GRM5: variants seen among roughly 807,000 people sequenced by gnomAD.
The protein encoded by GRM5 is metabotropic glutamate receptor 5.
Under a neutral mutation model 83.1 loss-of-function variants are expected in GRM5, and 19 were observed. That is an observed-to-expected ratio of 0.23 (90% confidence interval 0.16 to 0.34). GRM5 has a LOEUF of 0.34. Ranked by LOEUF, GRM5 falls within the 10% of genes least tolerant of loss-of-function variation. The pLI, the probability that GRM5 is intolerant of heterozygous loss-of-function variation, is 1.00. For synonymous variants in GRM5, 675 were observed against 633.6 expected, an observed-to-expected ratio of 1.07 and a Z score of -0.98; for missense variants, 1,160 against 1,588.3, an observed-to-expected ratio of 0.73 and a Z score of 4.58.
At chr11:88,647,434 T>A (rs976036019) in intron 4 of GRM5, among the ~76,000 whole-genome samples, 1 of 152,016 alleles carries the variant, frequency 6.6e-6, no homozygotes, top group African/African-American at 2.4e-5. Context: ...CCCAAAAGTA[T>A]GGTAACCATT....
chr11:88,768,565 A>G (rs1157627834), intron 3 of GRM5, among the ~76,000 whole-genome samples: 1 of 151,972 alleles, frequency 6.6e-6, no homozygotes, highest in Admixed American at 6.6e-5. Context: ...CCAGTGAACC[A>G]TACACTTAAC....
chr11:88,675,730 G>A (rs1940309874), intron 3 of GRM5, among the ~76,000 whole-genome samples: 1 of 151,936 alleles, frequency 6.6e-6, no homozygotes, highest in Non-Finnish European at 1.5e-5. Flanking sequence ...TTGGACTTCC[G>A]TCACGTCATC....
intron 4 of GRM5, among the ~76,000 whole-genome samples, chr11:88,638,013 G>A (rs1157241736): frequency 1.3e-5 from 2 of 151,986 alleles, no homozygotes; most frequent in East Asian, 3.9e-4. Flanking sequence ...TAGGGACATG[G>A]ATGAAATTGG....
intron 4 of GRM5, among the ~76,000 whole-genome samples, chr11:88,626,827 T>C (rs952527722): frequency 2.6e-5 from 4 of 152,146 alleles, no homozygotes; most frequent in Admixed American, 6.6e-5. Context: ...ACAAAAAAAA[T>C]TTGATTCATG....
chr11:88,934,318 A>G (rs1040663451), intron 2 of GRM5, among the ~76,000 whole-genome samples: 3 of 151,914 alleles, frequency 2.0e-5, no homozygotes, highest in Non-Finnish European at 4.4e-5. Context: ...AAGGTTAATA[A>G]CTCTTATCTT....
At chr11:88,706,963 A>G (rs1031252852) in intron 3 of GRM5, among the ~76,000 whole-genome samples, 27 of 152,056 alleles carry the variant, frequency 1.8e-4, no homozygotes, top group African/African-American at 6.0e-4. Flanking sequence ...ACATATTGCA[A>G]TGTTTGAGGA....
intron 8 of GRM5, among the ~76,000 whole-genome samples, chr11:88,542,426 G>A (rs907773398): frequency 5.9e-5 from 9 of 152,174 alleles, no homozygotes; most frequent in Admixed American, 5.9e-4. Flanking sequence ...GGAAGAGCAA[G>A]CATACGTAAC....
At chr11:88,603,803 T>C (rs1938067385) in intron 5 of GRM5, among the ~76,000 whole-genome samples, 1 of 152,174 alleles carries the variant, frequency 6.6e-6, no homozygotes, top group African/African-American at 2.4e-5. Context: ...TGGGCACATG[T>C]GGTGTGAATT....
intron 2 of GRM5, among the ~76,000 whole-genome samples, chr11:88,875,591 C>T (rs1036821401): frequency 1.3e-5 from 2 of 151,998 alleles, no homozygotes; most frequent in Non-Finnish European, 2.9e-5. Context: ...ATTTACTTTG[C>T]ATAGATTAAT....
chr11:88,875,533 T>C (rs562879352), intron 2 of GRM5, among the ~76,000 whole-genome samples: 1 of 152,058 alleles, frequency 6.6e-6, no homozygotes, highest in Admixed American at 6.6e-5. Context: ...GAATCACTAA[T>C]GTTATTAATG....
At chr11:88,578,175 C>T (rs1943152176) in intron 7 of GRM5, among the ~76,000 whole-genome samples, 1 of 152,078 alleles carries the variant, frequency 6.6e-6, no homozygotes, top group African/African-American at 2.4e-5. Context: ...AAGTACAAGA[C>T]AGCCCATAAT....
intron 2 of GRM5, among the ~76,000 whole-genome samples, chr11:89,017,051 G>A (rs1317514486): frequency 6.6e-6 from 1 of 152,082 alleles, no homozygotes; most frequent in Non-Finnish European, 1.5e-5. Flanking sequence ...CTACACAGAG[G>A]TAGATATAAG....
intron 2 of GRM5, among the ~76,000 whole-genome samples, chr11:88,982,364 T>C (rs1227357890): frequency 6.6e-6 from 1 of 152,186 alleles, no homozygotes; most frequent in African/African-American, 2.4e-5. Flanking sequence ...TTAGCTTACA[T>C]AAGTCTCAAT....
chr11:88,772,117 C>T (rs2135451033), intron 3 of GRM5, among the ~76,000 whole-genome samples: 1 of 151,796 alleles, frequency 6.6e-6, no homozygotes, highest in Non-Finnish European at 1.5e-5. Context: ...TTTTGTTTTA[C>T]TTACTGTATC....
intron 4 of GRM5, among the ~76,000 whole-genome samples, chr11:88,610,236 C>T (rs1011595757): frequency 2.6e-5 from 4 of 151,902 alleles, no homozygotes; most frequent in Non-Finnish European, 5.9e-5. Context: ...TTAGGATGCA[C>T]ATTTCTAATT....
chr11:88,680,254 G>A (rs1940445481), intron 3 of GRM5, among the ~76,000 whole-genome samples: 1 of 151,728 alleles, frequency 6.6e-6, no homozygotes, highest in African/African-American at 2.4e-5. Flanking sequence ...CCCACAACAG[G>A]CCCTGGTGTG....
chr11:88,659,366 A>G (rs1466725325), intron 3 of GRM5, among the ~76,000 whole-genome samples: 1 of 152,176 alleles, frequency 6.6e-6, no homozygotes, highest in Non-Finnish European at 1.5e-5. Flanking sequence ...TTCTCTCCAT[A>G]TGCAACTGGC....
intron 3 of GRM5, among the ~76,000 whole-genome samples, chr11:88,740,079 G>A (rs1941996705): frequency 6.6e-6 from 1 of 151,916 alleles, no homozygotes. Flanking sequence ...TACTTTTATC[G>A]AGTTTCTCCA....
chr11:88,955,440 T>A (rs562055819), intron 2 of GRM5, among the ~76,000 whole-genome samples: 1 of 152,332 alleles, frequency 6.6e-6, no homozygotes, highest in African/African-American at 2.4e-5. Flanking sequence ...ACCATGTATG[T>A]TAACTCTTGA....
Sources: allele counts gnomAD v4.1 joint callset (sites outside exome capture counted in the v4.1 genomes callset), GRCh38; gene constraint gnomAD v4.1.1; transcripts MANE v1.5; gene names NCBI Gene and HGNC (gene_info 2026-07-23, HGNC 2026-07-21).